ASAP1: variants seen among roughly 807,000 people sequenced by gnomAD.
The protein encoded by ASAP1 is ArfGAP with SH3 domain, ankyrin repeat and PH domain 1.
In ASAP1, 43 loss-of-function variants were observed where a neutral mutation model predicts 145.2. The ratio of observed to expected loss-of-function variants is 0.30; its 90% CI spans 0.23 to 0.38. ASAP1 has a LOEUF of 0.38. ASAP1 is among the 10% of genes least tolerant of loss of function. The pLI, the probability that ASAP1 is intolerant of heterozygous loss-of-function variation, is 1.00. For missense variants in ASAP1, 1,018 were observed against 1,355.3 expected (o/e 0.75, Z 3.91); for synonymous variants, 546 against 515.5 (o/e 1.06, Z -0.80).
At chr8:130,399,053 T>G (rs1395613521) in intron 2 of ASAP1, among the ~76,000 whole-genome samples, 2 of 152,172 alleles carry the variant, frequency 1.3e-5, no homozygotes, top group African/African-American at 4.8e-5. Flanking sequence ...AGAATATAAG[T>G]AGGAACAGGA....
intron 13 of ASAP1, among the ~76,000 whole-genome samples, chr8:130,139,070 G>A: frequency 6.6e-6 from 1 of 152,138 alleles, no homozygotes; most frequent in Non-Finnish European, 1.5e-5. Flanking sequence ...AACAACTCTT[G>A]CTACGATATT....
intron 22 of ASAP1, 108 bp downstream of exon 22, chr8:130,116,570 G>T: frequency 2.1e-6 from 2 of 971,892 alleles, no homozygotes; most frequent in Non-Finnish European, 1.6e-6. Context: ...TTTAGCAAGT[G>T]TTAAAAAAAA....
intron 3 of ASAP1, among the ~76,000 whole-genome samples, chr8:130,321,320 G>A (rs974250201): frequency 3.3e-5 from 5 of 151,838 alleles, no homozygotes; most frequent in Middle Eastern, 3.2e-3. Context: ...TTTCAAATTC[G>A]GCTCCATTTG....
intron 1 of ASAP1, among the ~76,000 whole-genome samples, chr8:130,424,909 C>T (rs963155086): frequency 3.3e-5 from 5 of 152,030 alleles, no homozygotes; most frequent in Non-Finnish European, 5.9e-5. Context: ...AGGAGAATCG[C>T]TTGAACCCGG....
At chr8:130,302,418 A>AG (rs1464820941) in intron 3 of ASAP1, among the ~76,000 whole-genome samples, 1 of 152,244 alleles carries the variant, frequency 6.6e-6, no homozygotes, top group Non-Finnish European at 1.5e-5. Context: ...GAGATGAGAG[A>AG]GAAATGCTAA....
chr8:130,103,765 C>T (rs924207483), intron 24 of ASAP1, among the ~76,000 whole-genome samples: 4 of 152,172 alleles, frequency 2.6e-5, no homozygotes, highest in South Asian at 4.1e-4. Flanking sequence ...CCACCTGCCT[C>T]GGCCTCCCAA....
intron 3 of ASAP1, among the ~76,000 whole-genome samples, chr8:130,244,307 A>G (rs1354353166): frequency 2.0e-5 from 3 of 152,154 alleles, no homozygotes; most frequent in Non-Finnish European, 4.4e-5. Context: ...CTATGTGAAT[A>G]TGAACTCCTT....
At chr8:130,105,455 C>T (rs556200182) in intron 24 of ASAP1, among the ~76,000 whole-genome samples, 4 of 152,286 alleles carry the variant, frequency 2.6e-5, no homozygotes, top group East Asian at 1.9e-4. Context: ...CATTACTTCA[C>T]GTATGCATCT....
intron 3 of ASAP1, among the ~76,000 whole-genome samples, chr8:130,262,736 C>T (rs1002393991): frequency 1.3e-5 from 2 of 152,152 alleles, no homozygotes; most frequent in Non-Finnish European, 2.9e-5. Flanking sequence ...AGAGAGCAGA[C>T]CTCAAATACA....
chr8:130,427,518 T>G (rs1042998009), intron 1 of ASAP1, among the ~76,000 whole-genome samples: 21 of 152,190 alleles, frequency 1.4e-4, no homozygotes, highest in African/African-American at 4.8e-4. Context: ...ACTTGGCCTA[T>G]AAAATCCCAA....
chr8:130,404,466 A>C (rs1286966896), intron 1 of ASAP1, among the ~76,000 whole-genome samples: 1 of 152,250 alleles, frequency 6.6e-6, no homozygotes, highest in Non-Finnish European at 1.5e-5. Context: ...TCAGAATCAA[A>C]GATCATGATC....
At chr8:130,298,748 T>C (rs975689378) in intron 3 of ASAP1, among the ~76,000 whole-genome samples, 5 of 152,196 alleles carry the variant, frequency 3.3e-5, no homozygotes, top group Admixed American at 6.5e-5. Context: ...CTGATCTCAG[T>C]TGAGGTGCCA....
chr8:130,139,682 T>A (rs751377925), intron 13 of ASAP1, among the ~76,000 whole-genome samples: 1 of 150,662 alleles, frequency 6.6e-6, no homozygotes, highest in Non-Finnish European at 1.5e-5. Flanking sequence ...TAAGCCAAAG[T>A]CACGCCATTG....
intron 2 of ASAP1, among the ~76,000 whole-genome samples, chr8:130,388,149 T>A (rs977342890): frequency 2.0e-5 from 3 of 152,052 alleles, no homozygotes; most frequent in Non-Finnish European, 4.4e-5. Flanking sequence ...AAGAAGAGCA[T>A]GAAGCAGGGT....
intron 3 of ASAP1, among the ~76,000 whole-genome samples, chr8:130,327,690 C>T (rs1824425210): frequency 6.6e-6 from 1 of 152,114 alleles, no homozygotes; most frequent in African/African-American, 2.4e-5. Flanking sequence ...AAAAGCATGG[C>T]TTGGAAATGT....
chr8:130,181,777 A>T (rs146628182), intron 7 of ASAP1, among the ~76,000 whole-genome samples: 7 of 152,346 alleles, frequency 4.6e-5, no homozygotes, highest in Non-Finnish European at 7.3e-5. Context: ...TAATAATACC[A>T]AAGATTATAG....
At chr8:130,216,412 T>C (rs951521259) in intron 4 of ASAP1, among the ~76,000 whole-genome samples, 9 of 152,344 alleles carry the variant, frequency 5.9e-5, no homozygotes, top group East Asian at 1.9e-4. Flanking sequence ...AATTGTGGTA[T>C]TGATGAGCTG....
chr8:130,173,808 C>T (rs1813754908), intron 9 of ASAP1, among the ~76,000 whole-genome samples: 1 of 150,946 alleles, frequency 6.6e-6, no homozygotes. Context: ...TGTGGTGGCT[C>T]ACGCCTGTAA....
chr8:130,097,222 G>C (rs2097520288), intron 24 of ASAP1, among the ~76,000 whole-genome samples: 1 of 149,340 alleles, frequency 6.7e-6, no homozygotes, highest in Non-Finnish European at 1.5e-5. Flanking sequence ...CTTCATTCTG[G>C]AGGCACTTCT....
Sources: gnomAD v4.1 joint callset for allele counts (sites outside exome capture counted in the v4.1 genomes callset) on GRCh38, gnomAD v4.1.1 for gene constraint, MANE v1.5 for transcripts, NCBI Gene and HGNC (gene_info 2026-07-23, HGNC 2026-07-21) for gene names.